The following GRK5 variants were observed in gnomAD, a reference collection of about 807,000 sequenced individuals.
GRK5 encodes G protein-coupled receptor kinase 5, also known as g protein-coupled receptor kinase GRK5.
GRK5 carries 40 observed loss-of-function variants against 78.4 expected under a neutral mutation model. The ratio of observed to expected loss-of-function variants is 0.51; its 90% CI spans 0.40 to 0.66. The LOEUF is 0.66. Among genes scored for constraint, GRK5 ranks in the 30% least tolerant of loss-of-function variants. GRK5 has a pLI of 0.00. For missense variants in GRK5, 598 were observed against 759.9 expected (o/e 0.79, Z 2.50); for synonymous variants, 289 against 296.8 (o/e 0.97, Z 0.27).
intron 1 of GRK5, among the ~76,000 whole-genome samples, chr10:119,325,272 C>T (rs1850654687): frequency 6.6e-6 from 1 of 152,184 alleles, no homozygotes; most frequent in South Asian, 2.1e-4. Context: ...TGGATGAGGA[C>T]TCAGAGAGGG....
intron 1 of GRK5, among the ~76,000 whole-genome samples, chr10:119,276,502 G>A (rs1849672559): frequency 6.6e-6 from 1 of 152,074 alleles, no homozygotes; most frequent in South Asian, 2.1e-4. Context: ...GTCTATCATT[G>A]TTGGACATTT....
At chr10:119,277,465 AC>A (rs1159950694) in intron 1 of GRK5, among the ~76,000 whole-genome samples, 1 of 147,130 alleles carries the variant, frequency 6.8e-6, no homozygotes. Flanking sequence ...TGGAGGCTAC[AC>A]CCCTCTCCCC....
At chr10:119,383,532 G>A (rs886516587) in intron 3 of GRK5, among the ~76,000 whole-genome samples, 1 of 152,254 alleles carries the variant, frequency 6.6e-6, no homozygotes, top group African/African-American at 2.4e-5. Flanking sequence ...AGTTCATAGA[G>A]GAAATGGTTG....
At chr10:119,290,371 CAA>C (rs1849932860) in intron 1 of GRK5, among the ~76,000 whole-genome samples, 1 of 98,204 alleles carries the variant, frequency 1.0e-5, no homozygotes, top group Admixed American at 1.0e-4. Context: ...AAACAAAAAA[CAA>C]CTCTGTCCCC....
chr10:119,226,979 C>T (rs1300459547), intron 1 of GRK5, among the ~76,000 whole-genome samples: 1 of 152,144 alleles, frequency 6.6e-6, no homozygotes, highest in Admixed American at 6.6e-5. Context: ...CTGCCTCCGC[C>T]TCCCAAGTAG....
At position 119,459,664 on chromosome 10, in the gene GRK5, C is replaced by G. The variant is rs1441894802; in HGVS notation, c.*4597C>G. On this transcript the variant is annotated 3_prime_UTR_variant, in exon 16 of 16. Transcript: ENST00000392870. ...GCTGCTGTAACTCTGTGTGTTCCGT[C>G]TATCGCGTCACAGTGCCGCTGGATC... 6.6e-6 allele frequency: 1 copy of G among 152,234 alleles called. No homozygotes were observed. Among genetic ancestry groups the G allele is most frequent in the Non-Finnish European group, 1.5e-5 (1 of 68,046 alleles). The allele number at this position is 152,234 out of a possible 1,614,324, so 9.4% of individuals were successfully genotyped here. A position where few individuals can be genotyped will look rare whatever the true frequency, so the allele number is the denominator to read the frequency against.
chr10:119,444,966 C>T (rs1853114450), intron 12 of GRK5, among the ~76,000 whole-genome samples: 1 of 152,234 alleles, frequency 6.6e-6, no homozygotes, highest in South Asian at 2.1e-4. Context: ...CTCGGCTCCT[C>T]ACCCCAGAGG....
At position 119,380,885 on chromosome 10, in the gene GRK5, C is replaced by T. The variant is rs139600136; in HGVS notation, c.219C>T (p.Thr73=). The change falls in exon 3 of 16, where the codon ACC becomes ACT. Residue 73 remains threonine, a synonymous_variant. Transcript: ENST00000392870. ...TGCTTTTCCGGCAGTTTTGTGAAAC[C>T]AGGCCTGGGCTGGAGTGTTACATTC... is the stretch of plus-strand genomic sequence containing the variant. ...GRLLFRQFCE[T]RPGLECYIQF... 4 of 1,613,380 alleles carry T rather than the reference C, an allele frequency of 2.5e-6. No individual in the cohort carries two copies. In the African/African-American group the frequency reaches 5.3e-5, roughly 22 times the overall value.
chr10:119,404,063 TGG>T (rs1852195861), intron 4 of GRK5, among the ~76,000 whole-genome samples: 2 of 152,258 alleles, frequency 1.3e-5, no homozygotes, highest in African/African-American at 4.8e-5. Flanking sequence ...CTGGGTCATG[TGG>T]TAACTCTATG....
chr10:119,214,610 C>T (rs979878420), intron 1 of GRK5, among the ~76,000 whole-genome samples: 2 of 152,098 alleles, frequency 1.3e-5, no homozygotes, highest in Non-Finnish European at 2.9e-5. Flanking sequence ...ACTTCGACCT[C>T]CTGGGCTCAA....
chr10:119,265,432 G>A (rs79578493), intron 1 of GRK5, among the ~76,000 whole-genome samples: 3,055 of 152,218 alleles, frequency 0.02, 59 homozygotes, highest in Admixed American at 0.053. Flanking sequence ...GAGGTGAGTC[G>A]GTTAAGATGA....
intron 13 of GRK5, among the ~76,000 whole-genome samples, chr10:119,450,817 C>T (rs1047709244): frequency 2.0e-5 from 3 of 152,122 alleles, no homozygotes; most frequent in Non-Finnish European, 4.4e-5. Flanking sequence ...TACCCTGTGG[C>T]CCAGGGCCTC....
At chr10:119,298,161 A>G (rs1044358393) in intron 1 of GRK5, among the ~76,000 whole-genome samples, 2 of 152,080 alleles carry the variant, frequency 1.3e-5, no homozygotes, top group African/African-American at 4.8e-5. Flanking sequence ...ATCTTGTTTA[A>G]TCCTCATGAT....
chr10:119,261,041 C>G (rs1432344345), intron 1 of GRK5, among the ~76,000 whole-genome samples: 2 of 121,982 alleles, frequency 1.6e-5, no homozygotes, highest in East Asian at 5.2e-4. Context: ...GGGGCTGACC[C>G]CCCCACCTCC....
intron 2 of GRK5, among the ~76,000 whole-genome samples, chr10:119,355,527 T>C (rs2133803258): frequency 6.6e-6 from 1 of 152,380 alleles, no homozygotes; most frequent in East Asian, 1.9e-4. Context: ...ACGCCTGTTA[T>C]CCCAGCACTT....
intron 4 of GRK5, among the ~76,000 whole-genome samples, chr10:119,420,859 G>A (rs115655602): frequency 0.11 from 16,281 of 152,204 alleles, 1,053 homozygotes; most frequent in Middle Eastern, 0.2. Flanking sequence ...GGCATTACAG[G>A]CATGAGCCAC....
intron 1 of GRK5, among the ~76,000 whole-genome samples, chr10:119,228,218 G>A (rs56173967): frequency 0.022 from 3,280 of 152,034 alleles, 141 homozygotes; most frequent in African/African-American, 0.075. Flanking sequence ...GGTGGTGTGC[G>A]CCTGAAGTCC....
At chr10:119,423,307 C>T (rs752046885) in intron 5 of GRK5, 41 bp downstream of exon 5, 72 of 1,416,190 alleles carry the variant, frequency 5.1e-5, no homozygotes, top group Non-Finnish European at 6.9e-5. Flanking sequence ...CCCGGGCTGC[C>T]CAGAGATGGG....
intron 3 of GRK5, among the ~76,000 whole-genome samples, chr10:119,388,124 AT>A (rs879773133): frequency 6.1e-4 from 89 of 144,970 alleles, no homozygotes; most frequent in Middle Eastern, 3.6e-3. Context: ...GGCTAATTAA[AT>A]TTTTTTTTTT....
Sources: allele counts gnomAD v4.1 joint callset (sites outside exome capture counted in the v4.1 genomes callset), GRCh38; gene constraint gnomAD v4.1.1; transcripts MANE v1.5; gene names NCBI Gene and HGNC (gene_info 2026-07-23, HGNC 2026-07-21).